Variants in BRI3BP observed in about 807,000 individuals in gnomAD.
BRI3BP encodes BRI3-binding protein.
In BRI3BP, 7 loss-of-function variants were observed where a neutral mutation model predicts 15.8. The observed-to-expected ratio is 0.44, with a 90% confidence interval of 0.25 to 0.83. The LOEUF (loss-of-function observed/expected upper bound fraction) is 0.83. Among genes scored for constraint, BRI3BP ranks in the 40% least tolerant of loss-of-function variants. The pLI is 0.20. For synonymous variants in BRI3BP, 192 were observed against 163.5 expected, an observed-to-expected ratio of 1.17 and a Z score of -1.33; for missense variants, 320 against 339.3, an observed-to-expected ratio of 0.94 and a Z score of 0.45.
chr12:125,020,450 C>T (rs1955287140), intron 2 of BRI3BP, among the ~76,000 whole-genome samples: 1 of 152,204 alleles, frequency 6.6e-6, no homozygotes, highest in Non-Finnish European at 1.5e-5. Context: ...TGATCACCTC[C>T]CCAGGACCCC....
rs566699638 is a variant in BRI3BP, at chr12:125,019,271, C to CAG, written c.317-5720_317-5719insAG. Among the ~76,000 whole-genome samples the CAG allele has an allele frequency of 4.1e-4, 63 of 152,184 alleles. 1 individual carries two copies. The highest frequency in any genetic ancestry group is 1.5e-3 in the African/African-American group (61 of 41,536). ...GTTTTCTTTAGGATTTTCAGGGCCT[C>CAG]GGAGTGACGTTGCTTTGGACCACCC... On this transcript the variant is annotated intron_variant, in intron 2 of 2. Coordinates refer to ENST00000341446, the MANE Select transcript of BRI3BP (RefSeq NM_080626.6).
At chr12:125,001,573 C>T (rs1955091526) in intron 1 of BRI3BP, among the ~76,000 whole-genome samples, 1 of 151,860 alleles carries the variant, frequency 6.6e-6, no homozygotes, top group South Asian at 2.1e-4. Context: ...CTCGAAATCC[C>T]TGTGTTGCCC....
In BRI3BP at chr12:125,027,112, A is replaced by G. The variant is rs1955362142; in HGVS notation, c.*1682A>G. The G allele has an allele frequency of 6.6e-6, 1 of 152,174 alleles. No individual in the cohort carries two copies. Among genetic ancestry groups the G allele is most frequent in the South Asian group, 2.1e-4 (1 of 4,832 alleles). The allele number at this position is 152,174 out of a possible 1,614,324, so 9.4% of individuals were successfully genotyped here. On this transcript the variant is annotated 3_prime_UTR_variant, in exon 3 of 3. Transcript: ENST00000341446. ...ACCCCTGCCAGACCTGCTACAACCA[A>G]GACCTTATGGTCCAGGTCTCAGTTT... is the stretch of plus-strand genomic sequence containing the variant.
chr12:124,998,651 C>A (rs548874333), intron 1 of BRI3BP, among the ~76,000 whole-genome samples: 8 of 152,156 alleles, frequency 5.3e-5, no homozygotes, highest in Admixed American at 6.6e-5. Flanking sequence ...CTAGGGTTTC[C>A]TTTTGGGGTG....
At chr12:125,002,179 C>G (rs1424494847) in intron 1 of BRI3BP, among the ~76,000 whole-genome samples, 2 of 152,160 alleles carry the variant, frequency 1.3e-5, no homozygotes, top group East Asian at 1.9e-4. Context: ...TATCCATGTG[C>G]AAATATTTGT....
downstream of BRI3BP, among the ~76,000 whole-genome samples, chr12:125,033,848 T>C (rs544249146): frequency 6.6e-6 from 1 of 151,736 alleles, no homozygotes; most frequent in African/African-American, 2.4e-5. Context: ...GTTCAAGCAA[T>C]CCTCCCACCT....
chr12:125,046,781 T>C, the BRI3BP span, among the ~76,000 whole-genome samples: 1 of 152,242 alleles, frequency 6.6e-6, no homozygotes, highest in African/African-American at 2.4e-5. Context: ...AATTCGGCTA[T>C]GGATCTCACA....
At chr12:125,050,966 C>T in the BRI3BP span, among the ~76,000 whole-genome samples, 1 of 152,300 alleles carries the variant, frequency 6.6e-6, no homozygotes, top group Non-Finnish European at 1.5e-5. Flanking sequence ...TTTCAGGATC[C>T]TTTTCTCCAG....
At chr12:125,024,756 A>G (rs1955333950) in intron 2 of BRI3BP, among the ~76,000 whole-genome samples, 1 of 152,102 alleles carries the variant, frequency 6.6e-6, no homozygotes, top group Admixed American at 6.5e-5. Context: ...CCGAGATCAC[A>G]CCATTGCACT....
At chr12:125,012,443 C>G in intron 1 of BRI3BP, 91 bp from the exon 2 acceptor site, 1 of 1,043,164 alleles carries the variant, frequency 9.6e-7, no homozygotes, top group Non-Finnish European at 1.5e-6. Context: ...TTTTTCCCTT[C>G]CCAGGTATAA....
At chr12:125,004,180 A>T (rs530818603) in intron 1 of BRI3BP, among the ~76,000 whole-genome samples, 167 of 152,210 alleles carry the variant, frequency 1.1e-3, no homozygotes, top group African/African-American at 3.6e-3. Context: ...AAATTTTTTT[A>T]AAATTTTTTT....
chr12:124,997,629 A>G (rs1269742332), intron 1 of BRI3BP, among the ~76,000 whole-genome samples: 1 of 152,156 alleles, frequency 6.6e-6, no homozygotes, highest in Admixed American at 6.6e-5. Flanking sequence ...AGTAAATGGT[A>G]GAATATTTCT....
In BRI3BP at chr12:124,993,667, C is replaced by A; in HGVS notation, c.-124C>A. Reference sequence around the variant, plus strand: ...GCAGGTGGCGCAGCAGCGGCGGCGGCGGCTGTGGGTAAAGGCGCGGCGCGC... The same window carrying A: ...GCAGGTGGCGCAGCAGCGGCGGCGGAGGCTGTGGGTAAAGGCGCGGCGCGC... On this transcript the variant is annotated 5_prime_UTR_variant, in exon 1 of 3. Coordinates refer to ENST00000341446, the MANE Select transcript of BRI3BP (RefSeq NM_080626.6). The A allele has an allele frequency of 2.3e-6, 1 of 442,298 alleles. No homozygotes were observed. The highest frequency in any genetic ancestry group is 3.0e-6 in the Non-Finnish European group (1 of 335,964). 27.4% of individuals were successfully genotyped at this position (442,298 alleles called of 1,614,324 possible).
In BRI3BP at chr12:125,025,820, G is replaced by T; in HGVS notation, c.*390G>T. 1 of 163,588 alleles carries T rather than the reference G, an allele frequency of 6.1e-6. No individual in the cohort carries two copies. The highest frequency in any genetic ancestry group is 1.3e-5 in the Non-Finnish European group (1 of 75,808). The allele number at this position is 163,588 out of a possible 1,614,324, so 10.1% of individuals were successfully genotyped here. On this transcript the variant is annotated 3_prime_UTR_variant, in exon 3 of 3. Transcript: ENST00000341446. ...AGTCAAGTTTATTAAAACTTTACATGGAGGGGAAGAATATGCTAATTTGAC... is the reference window on the plus strand; with the variant it reads ...AGTCAAGTTTATTAAAACTTTACATTGAGGGGAAGAATATGCTAATTTGAC...
the BRI3BP span, among the ~76,000 whole-genome samples, chr12:125,042,105 C>T: frequency 6.6e-6 from 1 of 152,216 alleles, no homozygotes; most frequent in Non-Finnish European, 1.5e-5. Flanking sequence ...ATTTAGTTAA[C>T]CATTCCCTTA....
chr12:125,002,507 A>G (rs1163344297), intron 1 of BRI3BP, among the ~76,000 whole-genome samples: 5 of 141,598 alleles, frequency 3.5e-5, no homozygotes, highest in Non-Finnish European at 7.5e-5. Flanking sequence ...GCCAGGCTGG[A>G]GTGCAGTGGC....
chr12:125,022,989 A>T (rs1326436553), intron 2 of BRI3BP, among the ~76,000 whole-genome samples: 1 of 152,202 alleles, frequency 6.6e-6, no homozygotes, highest in East Asian at 1.9e-4. Flanking sequence ...TGTTCAGTCT[A>T]GTTGGTTTCA....
chr12:125,007,158 C>G (rs1955151741), intron 1 of BRI3BP, among the ~76,000 whole-genome samples: 1 of 151,594 alleles, frequency 6.6e-6, no homozygotes, highest in South Asian at 2.1e-4. Flanking sequence ...GAGGTCGCAC[C>G]ACTGTACTCT....
intron 2 of BRI3BP, among the ~76,000 whole-genome samples, chr12:125,017,485 A>C (rs538800555): frequency 1.3e-5 from 2 of 152,264 alleles, no homozygotes; most frequent in South Asian, 4.1e-4. Context: ...ATTTTAGTTA[A>C]CCCAATATAT....
Sources: allele counts gnomAD v4.1 joint callset (sites outside exome capture counted in the v4.1 genomes callset), GRCh38; gene constraint gnomAD v4.1.1; transcripts MANE v1.5; gene names NCBI Gene and HGNC (gene_info 2026-07-23, HGNC 2026-07-21).